Variants in OTUD7A observed in about 807,000 individuals in gnomAD.
OTUD7A encodes the protein OTU domain-containing protein 7A.
Under a neutral mutation model 65.7 loss-of-function variants are expected in OTUD7A, and 12 were observed. The ratio of observed to expected loss-of-function variants is 0.18; its 90% CI spans 0.12 to 0.30. The LOEUF is 0.30. Ranked by LOEUF, OTUD7A falls within the 10% of genes least tolerant of loss-of-function variation. OTUD7A has a pLI of 1.00. For missense variants in OTUD7A, 1,148 were observed against 1,304.8 expected, an observed-to-expected ratio of 0.88 and a Z score of 1.85; for synonymous variants, 641 against 586.3, an observed-to-expected ratio of 1.09 and a Z score of -1.35.
At chr15:31,580,121 G>C (rs1379521979) in intron 3 of OTUD7A, among the ~76,000 whole-genome samples, 1 of 152,226 alleles carries the variant, frequency 6.6e-6, no homozygotes, top group Non-Finnish European at 1.5e-5. Context: ...GGTGAGCAGG[G>C]AGAGGGGTGT....
Position 31,510,962 on chromosome 15 carries a change from CTATATGTAACAT to C in OTUD7A, c.894-7156_894-7145del, listed in dbSNP as rs1566892389. Among the ~76,000 whole-genome samples, 15 of 95,530 alleles carry C rather than the reference CTATATGTAACAT, an allele frequency of 1.6e-4. 5 individuals are homozygous for C. The highest frequency in any genetic ancestry group is 7.3e-4 in the South Asian group (2 of 2,742). The allele number at this position is 95,530 out of a possible 152,430, so 62.7% of individuals were successfully genotyped here. ...ATCTATATGTAACATATATGTATAT[CTATATGTAACAT>C]ATGTATATCTATATGTAACATATGT... On this transcript the variant is annotated intron_variant, in intron 8 of 12. Coordinates refer to ENST00000307050, the MANE Select transcript of OTUD7A (RefSeq NM_001382637.1).
chr15:31,487,648 C>T lies in OTUD7A; in HGVS notation c.1172-82G>A. Reference sequence around the variant, plus strand: ...GCAAGGAAATTCCCAAGCCAGGTATCTGGGTGACAAATGCACCGAGTGGAC... The same window carrying T: ...GCAAGGAAATTCCCAAGCCAGGTATTTGGGTGACAAATGCACCGAGTGGAC... On this transcript the variant is annotated intron_variant, in intron 10 of 12. Transcript: ENST00000307050. This position sits in a 1 kb window ranked among gnomAD's most constrained non-coding sequence, Gnocchi z 6.0. 3.6e-6 allele frequency: 4 copies of T among 1,114,448 alleles called. No homozygotes were observed. Among genetic ancestry groups the T allele is most frequent in the East Asian group, 2.7e-5 (1 of 37,566 alleles). 69.0% of individuals were successfully genotyped at this position (1,114,448 alleles called of 1,614,324 possible). A position where few individuals can be genotyped will look rare whatever the true frequency, so the allele number is the denominator to read the frequency against.
intron 1 of OTUD7A, among the ~76,000 whole-genome samples, chr15:31,797,876 A>C (rs575413078): frequency 3.9e-5 from 6 of 152,206 alleles, no homozygotes; most frequent in African/African-American, 7.2e-5. Context: ...ATGCCCAAAA[A>C]CAGCTGGGCT....
intron 1 of OTUD7A, among the ~76,000 whole-genome samples, chr15:31,780,019 G>A (rs1329099163): frequency 6.6e-6 from 1 of 152,100 alleles, no homozygotes; most frequent in East Asian, 1.9e-4. Flanking sequence ...TCCCTCCAAG[G>A]AGGGAGCATG....
chr15:31,525,340 CAG>C (rs1370813842), intron 8 of OTUD7A, among the ~76,000 whole-genome samples: 1 of 152,236 alleles, frequency 6.6e-6, no homozygotes, highest in East Asian at 1.9e-4. Flanking sequence ...CCTTAAAACA[CAG>C]TGACAAGACA....
chr15:31,762,994 A>G (rs189861979), intron 1 of OTUD7A, among the ~76,000 whole-genome samples: 3 of 152,182 alleles, frequency 2.0e-5, no homozygotes, highest in African/African-American at 4.8e-5. Context: ...ATGTAAAGAC[A>G]GAAGTCAGCC....
chr15:31,682,613 T>G (rs1006256560), intron 1 of OTUD7A, among the ~76,000 whole-genome samples: 1 of 152,228 alleles, frequency 6.6e-6, no homozygotes, highest in African/African-American at 2.4e-5. Context: ...AAAGATAGAC[T>G]TTTCCAAAAA....
At chr15:31,505,026 AT>A (rs2041538265) in intron 8 of OTUD7A, among the ~76,000 whole-genome samples, 1 of 152,050 alleles carries the variant, frequency 6.6e-6, no homozygotes, top group African/African-American at 2.4e-5. Flanking sequence ...TTGAATATAA[AT>A]TTTTTTAGTA....
chr15:31,833,971 T>C (rs1227399540), intron 1 of OTUD7A, among the ~76,000 whole-genome samples: 1 of 152,232 alleles, frequency 6.6e-6, no homozygotes, highest in African/African-American at 2.4e-5. Flanking sequence ...CTTCAGAGCC[T>C]TTCTAATGAA....
intron 1 of OTUD7A, among the ~76,000 whole-genome samples, chr15:31,723,965 T>C (rs1893816503): frequency 7.8e-6 from 1 of 127,550 alleles, no homozygotes; most frequent in African/African-American, 3.1e-5. Flanking sequence ...TTTGCCAACA[T>C]AGTAAGTAAA....
intron 12 of OTUD7A, among the ~76,000 whole-genome samples, chr15:31,486,781 T>C (rs2041243979): frequency 6.6e-6 from 1 of 152,260 alleles, no homozygotes; most frequent in Non-Finnish European, 1.5e-5. Context: ...TTAATTCCGC[T>C]CTGCGGCAGC....
intron 1 of OTUD7A, among the ~76,000 whole-genome samples, chr15:31,748,256 A>G: frequency 6.6e-6 from 1 of 151,972 alleles, no homozygotes; most frequent in Non-Finnish European, 1.5e-5. Flanking sequence ...ATGCACTGAA[A>G]TTTTCTGTGG....
At chr15:31,518,706 TG>T (rs1318072423) in intron 8 of OTUD7A, among the ~76,000 whole-genome samples, 1 of 152,204 alleles carries the variant, frequency 6.6e-6, no homozygotes, top group Non-Finnish European at 1.5e-5. Context: ...ACAGATCTCA[TG>T]GGCAGCATTT....
chr15:31,576,300 C>G (rs1181011561), intron 3 of OTUD7A, among the ~76,000 whole-genome samples: 2 of 152,212 alleles, frequency 1.3e-5, no homozygotes, highest in African/African-American at 4.8e-5. Flanking sequence ...AGTCATCTCT[C>G]TGCTCACCTG....
intron 12 of OTUD7A, among the ~76,000 whole-genome samples, chr15:31,486,560 C>A (rs1368137506): frequency 6.6e-6 from 1 of 152,118 alleles, no homozygotes; most frequent in African/African-American, 2.4e-5. Flanking sequence ...ATCAATCAGT[C>A]AGATGCTTAA....
rs1176765984 is a variant in OTUD7A, at chr15:31,484,284, G to A, written c.1812C>T (p.Gly604=). The A allele has an allele frequency of 1.3e-6, 2 of 1,593,096 alleles. No homozygotes were observed. The highest frequency in any genetic ancestry group is 1.1e-5 in the South Asian group (1 of 89,866). The part of the protein sequence containing the change: ...TTPSPTDKAA[G]ASPAEKGGGP... ...CACCGCCCTTCTCCGCCGGCGACGC[G>A]CCCGCTGCCTTGTCTGTGGGCGACG... The change falls in exon 13 of 13, where the codon GGC becomes GGT. Residue 604 remains glycine, a synonymous_variant. Coordinates refer to ENST00000307050, the MANE Select transcript of OTUD7A (RefSeq NM_001382637.1). This position sits in a 1 kb window ranked among gnomAD's most constrained non-coding sequence, Gnocchi z 4.5.
intron 3 of OTUD7A, among the ~76,000 whole-genome samples, chr15:31,610,614 TA>T (rs1392748800): frequency 1.3e-3 from 60 of 47,286 alleles, no homozygotes; most frequent in African/African-American, 3.8e-3. Flanking sequence ...TATATATATA[TA>T]TATTTTTTTT....
At chr15:31,765,728 T>C (rs1895078339) in intron 1 of OTUD7A, 5 of 1,064,178 alleles carry the variant, frequency 4.7e-6, no homozygotes, top group Non-Finnish European at 7.0e-6. Context: ...AAGTATTACA[T>C]ACTTTTTAAT....
At position 31,510,880 on chromosome 15, in the gene OTUD7A, CATATATGTATATCTATATGTAACAT is replaced by C; in HGVS notation, c.894-7087_894-7063del. Among the ~76,000 whole-genome samples, 2 of 15,238 alleles carry C rather than the reference CATATATGTATATCTATATGTAACAT, an allele frequency of 1.3e-4. 1 individual carries two copies. Among genetic ancestry groups the C allele is most frequent in the Non-Finnish European group, 2.2e-4 (2 of 8,982 alleles). 10.0% of individuals were successfully genotyped at this position (15,238 alleles called of 152,430 possible). Reference sequence around the variant, plus strand: ...AACATATATGTATATCTATATGTAACATATATGTATATCTATATGTAACATATATGTATATCTATATGTAACATAT... The same window carrying C: ...AACATATATGTATATCTATATGTAACATATGTATATCTATATGTAACATAT... On this transcript the variant is annotated intron_variant, in intron 8 of 12. Transcript: ENST00000307050.
Sources: allele counts gnomAD v4.1 joint callset (sites outside exome capture counted in the v4.1 genomes callset), GRCh38; gene constraint gnomAD v4.1.1; non-coding constraint Gnocchi (gnomAD v3.1); transcripts MANE v1.5; gene names NCBI Gene and HGNC (gene_info 2026-07-23, HGNC 2026-07-21).